Variants in BICRA observed in about 807,000 individuals in gnomAD.
The protein encoded by BICRA is BRD4 interacting chromatin remodeling complex associated protein, also known as BRD4-interacting chromatin-remodeling complex-associated protein.
In BICRA, 31 loss-of-function variants were observed where a neutral mutation model predicts 96.9. That is an observed-to-expected ratio of 0.32 (90% confidence interval 0.24 to 0.43). The LOEUF (loss-of-function observed/expected upper bound fraction) is 0.43. BICRA is among the 20% of genes least tolerant of loss of function. The pLI, the probability that BICRA is intolerant of heterozygous loss-of-function variation, is 1.00. For missense variants in BICRA, 2,283 were observed against 2,190.3 expected, an observed-to-expected ratio of 1.04 and a Z score of -0.84; for synonymous variants, 1,350 against 1,071.8, an observed-to-expected ratio of 1.26 and a Z score of -5.07.
chr19:47,695,903 C>A (rs988361981), intron 10 of BICRA, among the ~76,000 whole-genome samples: 1 of 151,754 alleles, frequency 6.6e-6, no homozygotes, highest in Non-Finnish European at 1.5e-5. Context: ...CAGCTGAGGC[C>A]GAGGCCACTT....
At position 47,694,543 on chromosome 19, in the gene BICRA, C is replaced by G; in HGVS notation, c.2712C>G (p.Ser904=). 6.2e-7 allele frequency: 1 copy of G among 1,610,896 alleles called. No individual in the cohort carries two copies. Among genetic ancestry groups the G allele is most frequent in the Non-Finnish European group, 8.5e-7 (1 of 1,178,912 alleles). The stretch of plus-strand genomic sequence containing the variant: ...CCAGGTTGCCAGCCCCTACGCCATC[C>G]GACTTCCAGCTCCAGTTCCCACCCA... The part of the protein sequence containing the change: ...TSSRLPAPTP[S]DFQLQFPPSQ... The change falls in exon 8 of 15, where the codon TCC becomes TCG. Residue 904 remains serine (S), a synonymous_variant. Coordinates refer to ENST00000594866, the MANE Select transcript of BICRA (RefSeq NM_001394372.1).
chr19:47,701,032 C>G lies in BICRA; in HGVS notation c.3596-296C>G, dbSNP rs1001648129. 5.0e-5 allele frequency: 22 copies of G among 441,596 alleles called. No homozygotes were observed. Among genetic ancestry groups the G allele is most frequent in the African/African-American group, 4.5e-4 (22 of 48,842 alleles). The allele number at this position is 441,596 out of a possible 1,614,324, so 27.4% of individuals were successfully genotyped here. A position where few individuals can be genotyped will look rare whatever the true frequency, so the allele number is the denominator to read the frequency against. On this transcript the variant is annotated intron_variant, in intron 14 of 14. Coordinates refer to ENST00000594866, the MANE Select transcript of BICRA (RefSeq NM_001394372.1). This position sits in a 1 kb window ranked among gnomAD's most constrained non-coding sequence, Gnocchi z 5.4. ...GGCTCAAGCGATCCCCCTCCCTTGG[C>G]CTCCCAAAGTGCTGGGATTACAGGC... is the stretch of plus-strand genomic sequence containing the variant.
In BICRA at chr19:47,679,672, G is replaced by A. The variant is rs1777347082; in HGVS notation, c.502G>A (p.Gly168Arg). 4 of 1,516,598 alleles carry A rather than the reference G, an allele frequency of 2.6e-6. No individual in the cohort carries two copies. The highest frequency in any genetic ancestry group is 3.5e-6 in the Non-Finnish European group (4 of 1,134,828). The allele number at this position is 1,516,598 out of a possible 1,614,324, so 93.9% of individuals were successfully genotyped here. ...CTTCCCAGGCAGCACCGACCTGCTG[G>A]GGCTGCAGGGCCCGCCTACCGTGCT... is the stretch of plus-strand genomic sequence containing the variant. Reference protein sequence around the residue: ...ALFPGSTDLLGLQGPPTVLTH... With the variant: ...ALFPGSTDLLRLQGPPTVLTH... Residue 168 changes from glycine (G) to arginine (R), a missense_variant, in exon 6 of 15, where the codon GGG becomes AGG. Coordinates refer to ENST00000594866, the MANE Select transcript of BICRA (RefSeq NM_001394372.1).
intron 1 of BICRA, chr19:47,626,389 CTGTTT>C: frequency 6.6e-6 from 1 of 152,442 alleles, no homozygotes; most frequent in Non-Finnish European, 1.5e-5. Flanking sequence ...GAGCCTGTTT[CTGTTT>C]TGTTTTGTTT....
intron 2 of BICRA, among the ~76,000 whole-genome samples, chr19:47,671,671 A>T (rs1197387495): frequency 7.1e-6 from 1 of 141,472 alleles, no homozygotes; most frequent in South Asian, 2.6e-4. Context: ...GGATGGAGGG[A>T]TGGGTAGGTA....
At chr19:47,620,316 G>A (rs1972046139) in intron 1 of BICRA, among the ~76,000 whole-genome samples, 1 of 152,038 alleles carries the variant, frequency 6.6e-6, no homozygotes, top group African/African-American at 2.4e-5. Flanking sequence ...CATGTCCCAG[G>A]GATGGAGAAA....
chr19:47,699,742 G>C lies in BICRA; in HGVS notation c.3595+337G>C, dbSNP rs901747373. 5.3e-5 allele frequency among the ~76,000 whole-genome samples: 8 copies of C among 152,148 alleles called. No homozygotes were observed. Among genetic ancestry groups the C allele is most frequent in the African/African-American group, 1.7e-4 (7 of 41,434 alleles). ...TATAAGGTAACGCCCACTCTTGGGTGCCAGTCCTTTGCTTGGGGACCCTGA... is the reference window on the plus strand; with the variant it reads ...TATAAGGTAACGCCCACTCTTGGGTCCCAGTCCTTTGCTTGGGGACCCTGA... On this transcript the variant is annotated intron_variant, in intron 14 of 14. Transcript: ENST00000594866. The surrounding 1 kb of genome is among the most constrained non-coding windows in gnomAD (Gnocchi z 5.0).
Position 47,682,049 on chromosome 19 carries a change from C to A in BICRA, c.2180C>A (p.Pro727Gln). 1 of 1,550,498 alleles carries A rather than the reference C, an allele frequency of 6.4e-7. No homozygotes were observed. The highest frequency in any genetic ancestry group is 8.7e-7 in the Non-Finnish European group (1 of 1,146,640). Residue 727 changes from proline (P) to glutamine (Q), a missense_variant, in exon 7 of 15, where the codon CCG becomes CAG. Transcript: ENST00000594866. ...SVPASVIVSAPPPAQDPAPAT... is the reference protein window; with the variant it reads ...SVPASVIVSAQPPAQDPAPAT... ...CCTGCCTCGGTCATAGTCAGCGCCC[C>A]GCCTCCCGCCCAAGACCCAGCCCCA...
intron 1 of BICRA, among the ~76,000 whole-genome samples, chr19:47,654,150 C>G (rs1422780966): frequency 6.6e-6 from 1 of 152,160 alleles, no homozygotes; most frequent in Non-Finnish European, 1.5e-5. Flanking sequence ...ACAGTCCTAC[C>G]GACAGTGAGT....
At chr19:47,636,882 C>T (rs66506948) in intron 1 of BICRA, among the ~76,000 whole-genome samples, 19,702 of 152,016 alleles carry the variant, frequency 0.13, 1,418 homozygotes, top group South Asian at 0.18. Context: ...GAGTCCTCTT[C>T]GTTCACTCAC....
intron 1 of BICRA, among the ~76,000 whole-genome samples, chr19:47,611,551 A>G (rs1185756219): frequency 6.6e-6 from 1 of 152,182 alleles, no homozygotes; most frequent in Admixed American, 6.6e-5. Context: ...AGAAGAGAGA[A>G]GCTGAACTGT....
intron 5 of BICRA, among the ~76,000 whole-genome samples, chr19:47,678,464 C>T (rs1171096962): frequency 2.0e-5 from 3 of 152,058 alleles, no homozygotes; most frequent in Admixed American, 6.6e-5. Context: ...GGGGACAGCA[C>T]CCCCGCGGGC....
chr19:47,644,178 C>T (rs2123539051), intron 1 of BICRA, among the ~76,000 whole-genome samples: 1 of 151,844 alleles, frequency 6.6e-6, no homozygotes, highest in African/African-American at 2.4e-5. Context: ...CCATGATGCC[C>T]AGCTAATTAT....
At chr19:47,626,551 C>T (rs192523606) in intron 1 of BICRA, among the ~76,000 whole-genome samples, 274 of 150,766 alleles carry the variant, frequency 1.8e-3, no homozygotes, top group Admixed American at 3.0e-3. Flanking sequence ...CATGTGCCAC[C>T]ATGGCCCGCT....
intron 1 of BICRA, among the ~76,000 whole-genome samples, chr19:47,632,591 C>T (rs148817604): frequency 1.2e-4 from 18 of 152,326 alleles, no homozygotes; most frequent in Non-Finnish European, 2.2e-4. Flanking sequence ...GGGAACCGCA[C>T]GTGTGGGCTC....
In BICRA at chr19:47,676,661, T is replaced by C. The variant is rs1004761666; in HGVS notation, c.150+745T>C. The stretch of plus-strand genomic sequence containing the variant: ...AGAACACGCATTCACCAAACACTTA[T>C]TATACGACCAGCCCTTCCTTGTTAT... On this transcript the variant is annotated intron_variant, in intron 5 of 14. Transcript: ENST00000594866. Among the ~76,000 whole-genome samples the C allele has an allele frequency of 3.4e-5, 5 of 147,554 alleles. No homozygotes were observed. The East Asian group carries it at 6.3e-4, about 18-fold the overall frequency.
At chr19:47,631,336 T>C (rs1972219228) in intron 1 of BICRA, among the ~76,000 whole-genome samples, 1 of 152,202 alleles carries the variant, frequency 6.6e-6, no homozygotes, top group Admixed American at 6.5e-5. Context: ...CAAGCAATGC[T>C]CCTGCCTCAG....
intron 1 of BICRA, among the ~76,000 whole-genome samples, chr19:47,644,159 C>T (rs1392880736): frequency 6.6e-6 from 1 of 152,010 alleles, no homozygotes. Flanking sequence ...GCTAGGACTA[C>T]AGGTGTGCCC....
At chr19:47,620,667 C>A (rs78430479) in intron 1 of BICRA, among the ~76,000 whole-genome samples, 291 of 67,612 alleles carry the variant, frequency 4.3e-3, no homozygotes, top group South Asian at 9.6e-3. Context: ...GAGACTGTCT[C>A]AAAAAAAAAA....
Sources: gnomAD v4.1 joint callset for allele counts (sites outside exome capture counted in the v4.1 genomes callset) on GRCh38, gnomAD v4.1.1 for gene constraint, Gnocchi (gnomAD v3.1) non-coding constraint, MANE v1.5 for transcripts, NCBI Gene and HGNC (gene_info 2026-07-23, HGNC 2026-07-21) for gene names.